The following ITGA1 variants were observed in gnomAD, a reference collection of about 807,000 sequenced individuals.
ITGA1 encodes the protein integrin subunit alpha 1.
Under a neutral mutation model 145.9 loss-of-function variants are expected in ITGA1, and 85 were observed. The ratio of observed to expected loss-of-function variants is 0.58; its 90% CI spans 0.49 to 0.70. The LOEUF (loss-of-function observed/expected upper bound fraction) is 0.70. Among genes scored for constraint, ITGA1 ranks in the 30% least tolerant of loss-of-function variants. The pLI, the probability that ITGA1 is intolerant of heterozygous loss-of-function variation, is 0.00. For synonymous variants in ITGA1, 520 were observed against 495.3 expected, an observed-to-expected ratio of 1.05 and a Z score of -0.66; for missense variants, 1,351 against 1,418.7, an observed-to-expected ratio of 0.95 and a Z score of 0.77.
chr5:52,889,778 T>C (rs970529268), intron 8 of ITGA1: 11 of 152,364 alleles, frequency 7.2e-5, no homozygotes, highest in African/African-American at 2.7e-4. Context: ...GCTCTTCGTT[T>C]TTAATGATGC....
At chr5:52,863,015 A>G (rs1173304212) in intron 3 of ITGA1, among the ~76,000 whole-genome samples, 1 of 152,114 alleles carries the variant, frequency 6.6e-6, no homozygotes, top group African/African-American at 2.4e-5. Flanking sequence ...CCTTTCCTTG[A>G]GGTTGCATCA....
intron 1 of ITGA1, among the ~76,000 whole-genome samples, chr5:52,820,428 C>T (rs531866736): frequency 2.2e-4 from 32 of 146,400 alleles, no homozygotes; most frequent in Admixed American, 1.6e-3. Context: ...TGCTAAATGA[C>T]GAGTTAATGG....
chr5:52,911,309 A>ATG (rs1294893982), intron 14 of ITGA1, among the ~76,000 whole-genome samples: 4 of 135,014 alleles, frequency 3.0e-5, no homozygotes, highest in Admixed American at 7.8e-5. Context: ...TATATAGTAT[A>ATG]TAGTGTATAT....
At chr5:52,799,989 C>T in intron 1 of ITGA1, 1 of 256,562 alleles carries the variant, frequency 3.9e-6, no homozygotes, top group Non-Finnish European at 7.7e-6. Flanking sequence ...GTCCGGAGCG[C>T]CTCACAGCTT....
intron 6 of ITGA1, among the ~76,000 whole-genome samples, chr5:52,873,212 G>A (rs1749806372): frequency 1.3e-5 from 2 of 152,256 alleles, no homozygotes; most frequent in African/African-American, 4.8e-5. Flanking sequence ...GCTTGTGGGG[G>A]ATTCCCCTGG....
At chr5:52,946,027 T>C (rs1329023842) in intron 27 of ITGA1, among the ~76,000 whole-genome samples, 2 of 152,208 alleles carry the variant, frequency 1.3e-5, no homozygotes, top group Non-Finnish European at 2.9e-5. Context: ...TGTGTTAAAA[T>C]TTTATAATGA....
At position 52,865,072 on chromosome 5, in the gene ITGA1, C is replaced by T; in HGVS notation, c.486C>T (p.Ala162=). The change falls in exon 5 of 29, where the codon GCC becomes GCT. Residue 162 remains alanine (A), a synonymous_variant. Coordinates refer to ENST00000282588, the MANE Select transcript of ITGA1 (RefSeq NM_181501.2). ...CATTTCAAGTCGTGAATTCCATTGC[C>T]CCTGTACAAGGTACAGATTTTATGC... is the stretch of plus-strand genomic sequence containing the variant. ...SPTFQVVNSI[A]PVQECSTQLD... is the part of the protein sequence containing the mutation. 2 of 1,609,980 alleles carry T rather than the reference C, an allele frequency of 1.2e-6. No homozygotes were observed. Among genetic ancestry groups the T allele is most frequent in the Non-Finnish European group, 1.7e-6 (2 of 1,176,832 alleles).
rs529661459 is a variant in ITGA1 at position 52,845,372 on chromosome 5, A to G, written c.62-3993A>G. 4.6e-5 allele frequency among the ~76,000 whole-genome samples: 7 copies of G among 152,300 alleles called. No individual in the cohort carries two copies. In the South Asian group the frequency reaches 1.5e-3, roughly 32 times the overall value. On this transcript the variant is annotated intron_variant, in intron 1 of 28. Coordinates refer to ENST00000282588, the MANE Select transcript of ITGA1 (RefSeq NM_181501.2). Reference sequence around the variant, plus strand: ...CATTATGAAAAAGAAATACCACGTTACAGAGCTGTGCTTTCCAAACCTTAA... The same window carrying G: ...CATTATGAAAAAGAAATACCACGTTGCAGAGCTGTGCTTTCCAAACCTTAA...
At chr5:52,831,235 C>T (rs1749064836) in intron 1 of ITGA1, among the ~76,000 whole-genome samples, 1 of 151,932 alleles carries the variant, frequency 6.6e-6, no homozygotes, top group Admixed American at 6.6e-5. Flanking sequence ...TGGGTTCAAG[C>T]GATTCTCATG....
rs1022393563 is a variant in ITGA1, at chr5:52,955,530, G to T, written c.*3079G>T. Reference sequence around the variant, plus strand: ...TACACAGCACCCATTCTTTAATTTTGATTTCTAAAATTATAACCTTCCTTT... The same window carrying T: ...TACACAGCACCCATTCTTTAATTTTTATTTCTAAAATTATAACCTTCCTTT... On this transcript the variant is annotated 3_prime_UTR_variant, in exon 29 of 29. Transcript: ENST00000282588. The T allele has an allele frequency of 2.0e-5, 3 of 152,030 alleles. No individual in the cohort carries two copies. Among genetic ancestry groups the T allele is most frequent in the Non-Finnish European group, 4.4e-5 (3 of 68,012 alleles). 9.4% of individuals were successfully genotyped at this position (152,030 alleles called of 1,614,324 possible). A position where few individuals can be genotyped will look rare whatever the true frequency, so the allele number is the denominator to read the frequency against.
chr5:52,861,579 T>A lies in ITGA1; in HGVS notation c.295+20T>A, dbSNP rs1228872236. 6.5e-7 allele frequency: 1 copy of A among 1,544,338 alleles called. No individual in the cohort carries two copies. Among genetic ancestry groups the A allele is most frequent in the Non-Finnish European group, 8.9e-7 (1 of 1,117,370 alleles). The stretch of plus-strand genomic sequence containing the variant: ...TACCAGGTATGTAAAATTAAAAAAA[T>A]CTGGTTTTAGGCCAGGTGCGGTGAG... On this transcript the variant is annotated intron_variant, in intron 3 of 28. Coordinates refer to ENST00000282588, the MANE Select transcript of ITGA1 (RefSeq NM_181501.2).
chr5:52,915,448 T>G lies in ITGA1; in HGVS notation c.1858-16T>G, dbSNP rs753738201. 2 of 1,611,574 alleles carry G rather than the reference T, an allele frequency of 1.2e-6. No homozygotes were observed. Among genetic ancestry groups the G allele is most frequent in the African/African-American group, 2.7e-5 (2 of 74,724 alleles). The stretch of plus-strand genomic sequence containing the variant: ...GACTCTTCTCATATGAAACTCTTTT[T>G]TTTGGATTCTCACAGCGTATTCCAT... On this transcript the variant is annotated splice_polypyrimidine_tract_variant and intron_variant, in intron 14 of 28. Coordinates refer to ENST00000282588, the MANE Select transcript of ITGA1 (RefSeq NM_181501.2).
At chr5:52,791,597 T>C (rs575975963) in intron 1 of ITGA1, among the ~76,000 whole-genome samples, 4 of 152,168 alleles carry the variant, frequency 2.6e-5, no homozygotes, top group Non-Finnish European at 4.4e-5. Flanking sequence ...AATAACAGAA[T>C]AGCTAGCACA....
At position 52,956,642 on chromosome 5, in the gene ITGA1, A is replaced by G. The variant is rs1751309793; in HGVS notation, c.*4191A>G. 1 of 152,268 alleles carries G rather than the reference A, an allele frequency of 6.6e-6. No individual in the cohort carries two copies. The highest frequency in any genetic ancestry group is 2.4e-5 in the African/African-American group (1 of 41,464). The allele number at this position is 152,268 out of a possible 1,614,324, so 9.4% of individuals were successfully genotyped here. A position where few individuals can be genotyped will look rare whatever the true frequency, so the allele number is the denominator to read the frequency against. On this transcript the variant is annotated 3_prime_UTR_variant, in exon 29 of 29. Transcript: ENST00000282588. ...ATCTTTAAGACATTTACAAACTGTT[A>G]TGGGACACTATCAGCAACTACGCCT...
chr5:52,829,066 A>G (rs533450415), intron 1 of ITGA1, among the ~76,000 whole-genome samples: 4 of 152,176 alleles, frequency 2.6e-5, no homozygotes, highest in Non-Finnish European at 5.9e-5. Flanking sequence ...CTTAACTTAA[A>G]TACTTCTGTA....
At chr5:52,937,289 A>T in intron 23 of ITGA1, 112 bp from the exon 24 acceptor site, 3 of 723,904 alleles carry the variant, frequency 4.1e-6, no homozygotes, top group Non-Finnish European at 7.2e-6. Flanking sequence ...TTGTTTGGGG[A>T]TTCAAAATAT....
At chr5:52,793,959 G>T (rs761137663) in intron 1 of ITGA1, among the ~76,000 whole-genome samples, 3 of 151,982 alleles carry the variant, frequency 2.0e-5, no homozygotes, top group Non-Finnish European at 4.4e-5. Context: ...ATAGGAAGAA[G>T]ACTAATTTTA....
chr5:52,801,106 T>C (rs749638968), intron 1 of ITGA1: 2 of 1,602,402 alleles, frequency 1.2e-6, no homozygotes, highest in African/African-American at 1.3e-5. Context: ...GGAAAACCGG[T>C]CCAAATTTCT....
intron 14 of ITGA1, among the ~76,000 whole-genome samples, chr5:52,914,878 A>T (rs949978303): frequency 6.6e-6 from 1 of 152,218 alleles, no homozygotes; most frequent in Non-Finnish European, 1.5e-5. Flanking sequence ...AGTCTTCAAG[A>T]CATACTCATT....
Sources: allele counts gnomAD v4.1 joint callset (sites outside exome capture counted in the v4.1 genomes callset), GRCh38; gene constraint gnomAD v4.1.1; transcripts MANE v1.5; gene names NCBI Gene and HGNC (gene_info 2026-07-23, HGNC 2026-07-21).